PTPRD: variants seen among roughly 807,000 people sequenced by gnomAD.
PTPRD encodes receptor-type tyrosine-protein phosphatase delta.
A neutral mutation model predicts 214.5 loss-of-function variants in PTPRD; 34 were observed. The ratio of observed to expected loss-of-function variants is 0.16; its 90% confidence interval spans 0.12 to 0.21. The LOEUF (loss-of-function observed/expected upper bound fraction) is 0.21, where lower values mean the gene tolerates loss of function less well. Among genes scored for constraint, PTPRD ranks in the 10% least tolerant of loss-of-function variants. The pLI is 1.00. For synonymous variants in PTPRD, 1,128 were observed against 845.7 expected (o/e 1.33, Z -5.79); for missense variants, 2,545 against 2,398.7 (o/e 1.06, Z -1.27).
intron 11 of PTPRD, among the ~76,000 whole-genome samples, chr9:8,835,165 C>A (rs528892890): frequency 2.0e-5 from 3 of 152,314 alleles, no homozygotes; most frequent in East Asian, 3.9e-4. Flanking sequence ...AACGAAATGA[C>A]CCCAGCTCCT....
intron 10 of PTPRD, among the ~76,000 whole-genome samples, chr9:9,167,328 T>TTGTG (rs147430665): frequency 0.029 from 4,228 of 145,666 alleles, 151 homozygotes; most frequent in African/African-American, 0.082. Flanking sequence ...TATATGGGGT[T>TTGTG]TGTGTGTGTG....
intron 5 of PTPRD, among the ~76,000 whole-genome samples, chr9:9,876,641 G>A (rs74508125): frequency 0.06 from 9,062 of 152,214 alleles, 849 homozygotes; most frequent in African/African-American, 0.2. Flanking sequence ...TTTTTGGAAA[G>A]CATTTGCCCT....
intron 11 of PTPRD, among the ~76,000 whole-genome samples, chr9:9,010,731 G>A (rs551328612): frequency 6.6e-6 from 1 of 152,140 alleles, no homozygotes; most frequent in African/African-American, 2.4e-5. Flanking sequence ...CCATCCCTCT[G>A]TAAATAGTCA....
rs2066391949 is a variant in PTPRD at position 10,568,494 on chromosome 9, G to A, written c.-600+43904C>T. Among the ~76,000 whole-genome samples, 3 of 152,190 alleles carry A rather than the reference G, an allele frequency of 2.0e-5. No homozygotes were observed. In the South Asian group the frequency reaches 6.2e-4, roughly 32 times the overall value. ...TGGGTATATACCCAGTAATGGGATG[G>A]CTGGGTCAAATGGTATTTCTAGTTC... On this transcript the variant is annotated intron_variant, in intron 2 of 45. Coordinates refer to ENST00000381196, the MANE Select transcript of PTPRD (RefSeq NM_002839.4).
chr9:10,589,000 C>T (rs7872281), intron 2 of PTPRD, among the ~76,000 whole-genome samples: 146,405 of 152,104 alleles, frequency 0.96, 70,728 homozygotes, highest in East Asian at 1. Flanking sequence ...ACCTTTTCGT[C>T]TCACAAAAGA....
intron 4 of PTPRD, among the ~76,000 whole-genome samples, chr9:9,939,845 A>G (rs886223468): frequency 6.6e-5 from 10 of 152,164 alleles, no homozygotes; most frequent in African/African-American, 2.4e-4. Flanking sequence ...ATGTAAATCA[A>G]ACCTTAAGAG....
chr9:8,839,371 G>A (rs1566513141), intron 11 of PTPRD, among the ~76,000 whole-genome samples: 1 of 152,038 alleles, frequency 6.6e-6, no homozygotes. Flanking sequence ...TGTCACCCAG[G>A]CTGGAGCGCT....
At chr9:9,069,192 T>C (rs1412945794) in intron 10 of PTPRD, among the ~76,000 whole-genome samples, 2 of 152,182 alleles carry the variant, frequency 1.3e-5, no homozygotes, top group Non-Finnish European at 2.9e-5. Flanking sequence ...TAGTGACATA[T>C]TAAGACATTT....
chr9:9,318,282 G>T (rs1595703294), intron 9 of PTPRD, among the ~76,000 whole-genome samples: 1 of 149,640 alleles, frequency 6.7e-6, no homozygotes, highest in Admixed American at 6.7e-5. Flanking sequence ...AAACAAGTTT[G>T]CCACAATTAA....
At chr9:10,555,817 A>G (rs1230212370) in intron 2 of PTPRD, among the ~76,000 whole-genome samples, 1 of 152,214 alleles carries the variant, frequency 6.6e-6, no homozygotes, top group African/African-American at 2.4e-5. Flanking sequence ...GATTCCTCTA[A>G]GATTCTTTCA....
rs540468008 is a variant in PTPRD at position 8,339,525 on chromosome 9, C to T, written c.5254-478G>A. Among the ~76,000 whole-genome samples the T allele has an allele frequency of 6.6e-5, 10 of 152,204 alleles. No homozygotes were observed. In the South Asian group the frequency reaches 2.1e-3, roughly 31 times the overall value. Reference sequence around the variant, plus strand: ...GTTCCAATCTTACTTGTCAAGGAAACGAGGGGCCCAGTCCATTTTAATGAC... The same window carrying T: ...GTTCCAATCTTACTTGTCAAGGAAATGAGGGGCCCAGTCCATTTTAATGAC... On this transcript the variant is annotated intron_variant, in intron 42 of 45. Transcript: ENST00000381196.
intron 3 of PTPRD, among the ~76,000 whole-genome samples, chr9:10,273,921 G>T (rs767846453): frequency 3.9e-5 from 6 of 152,084 alleles, no homozygotes; most frequent in African/African-American, 1.4e-4. Context: ...GAAAACAAAA[G>T]TTTTTAGCTA....
At chr9:8,493,247 T>G (rs1328075896) in intron 26 of PTPRD, among the ~76,000 whole-genome samples, 1 of 152,184 alleles carries the variant, frequency 6.6e-6, no homozygotes, top group South Asian at 2.1e-4. Flanking sequence ...ATTCTTAAAC[T>G]TAAACTTGCA....
At chr9:8,747,890 C>G (rs908156982) in intron 11 of PTPRD, among the ~76,000 whole-genome samples, 1 of 152,186 alleles carries the variant, frequency 6.6e-6, no homozygotes, top group Admixed American at 6.5e-5. Flanking sequence ...CCCTGCACTG[C>G]AGGCCATACA....
intron 39 of PTPRD, among the ~76,000 whole-genome samples, chr9:8,365,265 C>T (rs2079535865): frequency 6.6e-6 from 1 of 152,074 alleles, no homozygotes; most frequent in African/African-American, 2.4e-5. Context: ...CAAAAAGAGG[C>T]CCACTAGCCC....
At chr9:10,519,320 C>G (rs2051342184) in intron 2 of PTPRD, among the ~76,000 whole-genome samples, 1 of 146,234 alleles carries the variant, frequency 6.8e-6, no homozygotes, top group South Asian at 2.2e-4. Flanking sequence ...GAATTCTCCT[C>G]TGGGGAAGGT....
chr9:8,523,944 G>T (rs1226647104), intron 18 of PTPRD, among the ~76,000 whole-genome samples: 1 of 152,108 alleles, frequency 6.6e-6, no homozygotes, highest in Non-Finnish European at 1.5e-5. Flanking sequence ...TCAAAATCAA[G>T]CTAGGTATTT....
chr9:10,053,240 T>A (rs946461430), intron 3 of PTPRD, among the ~76,000 whole-genome samples: 1 of 152,166 alleles, frequency 6.6e-6, no homozygotes, highest in Admixed American at 6.6e-5. Context: ...ACAATAAGCA[T>A]TGAAAGCTGT....
intron 10 of PTPRD, among the ~76,000 whole-genome samples, chr9:9,179,603 A>C (rs1301673359): frequency 6.6e-6 from 1 of 152,136 alleles, no homozygotes; most frequent in Non-Finnish European, 1.5e-5. Context: ...CAATGTTTAG[A>C]CATTGTGGGA....
Sources: gnomAD v4.1 joint callset for allele counts (sites outside exome capture counted in the v4.1 genomes callset) on GRCh38, gnomAD v4.1.1 for gene constraint, MANE v1.5 for transcripts, NCBI Gene and HGNC (gene_info 2026-07-23, HGNC 2026-07-21) for gene names.